Variants in SEMA6D observed in about 807,000 individuals in gnomAD.
SEMA6D encodes the protein semaphorin-6D.
SEMA6D carries 35 observed loss-of-function variants against 106.6 expected under a neutral mutation model. The observed-to-expected ratio is 0.33, with a 90% CI of 0.25 to 0.44. SEMA6D has a LOEUF of 0.44. Among genes scored for constraint, SEMA6D ranks in the 20% least tolerant of loss-of-function variants. The pLI is 1.00. For missense variants in SEMA6D, 1,185 were observed against 1,345.9 expected (o/e 0.88, Z 1.87); for synonymous variants, 499 against 487.7 (o/e 1.02, Z -0.31).
intron 3 of SEMA6D, among the ~76,000 whole-genome samples, chr15:47,532,341 T>C (rs2044998736): frequency 6.6e-6 from 1 of 152,200 alleles, no homozygotes; most frequent in Non-Finnish European, 1.5e-5. Flanking sequence ...AAAATCTAAT[T>C]GCATGAAGTG....
chr15:47,365,097 G>A (rs547147823), intron 1 of SEMA6D, among the ~76,000 whole-genome samples: 1 of 152,152 alleles, frequency 6.6e-6, no homozygotes, highest in Non-Finnish European at 1.5e-5. Flanking sequence ...GCCTGGAAGG[G>A]CCTAAAAGGC....
chr15:47,228,656 G>A (rs1158362008), intron 1 of SEMA6D, among the ~76,000 whole-genome samples: 2 of 151,954 alleles, frequency 1.3e-5, no homozygotes, highest in Admixed American at 1.3e-4. Context: ...CACCCTGGAA[G>A]GCTGAGACCA....
At chr15:47,405,688 C>T (rs1187123076) in intron 1 of SEMA6D, among the ~76,000 whole-genome samples, 1 of 152,156 alleles carries the variant, frequency 6.6e-6, no homozygotes, top group Non-Finnish European at 1.5e-5. Context: ...TTGTATAATT[C>T]CCTCATCTAG....
intron 4 of SEMA6D, among the ~76,000 whole-genome samples, chr15:47,615,978 A>G (rs1045699949): frequency 1.8e-4 from 28 of 152,312 alleles, no homozygotes; most frequent in Admixed American, 2.6e-4. Context: ...TTGAGGCCCA[A>G]TTCAAATACT....
chr15:47,733,199 T>G (rs1247633563), intron 1 of SEMA6D, among the ~76,000 whole-genome samples: 1 of 152,210 alleles, frequency 6.6e-6, no homozygotes, highest in Non-Finnish European at 1.5e-5. Context: ...TTTTTAATCT[T>G]TCTTATCACT....
chr15:47,586,612 A>G (rs1234642327), intron 3 of SEMA6D, among the ~76,000 whole-genome samples: 1 of 152,204 alleles, frequency 6.6e-6, no homozygotes, highest in Non-Finnish European at 1.5e-5. Context: ...ATCATTATAT[A>G]CAGAAGATTT....
At chr15:47,513,739 C>T (rs549016112) in intron 3 of SEMA6D, among the ~76,000 whole-genome samples, 2 of 152,296 alleles carry the variant, frequency 1.3e-5, no homozygotes, top group Admixed American at 1.3e-4. Context: ...TGAAGCATAT[C>T]AAGCGAAGCT....
chr15:47,766,940 C>CTT, intron 16 of SEMA6D, 97 bp from the exon 17 acceptor site: 13 of 593,608 alleles, frequency 2.2e-5, no homozygotes, highest in South Asian at 1.0e-4. Context: ...AATTTATAGT[C>CTT]TTTTTTTTTT....
At chr15:47,495,951 T>C (rs2043642401) in intron 3 of SEMA6D, among the ~76,000 whole-genome samples, 1 of 152,044 alleles carries the variant, frequency 6.6e-6, no homozygotes, top group African/African-American at 2.4e-5. Flanking sequence ...TTTAATGAGG[T>C]TGTTAAACTA....
At chr15:47,713,876 A>C (rs1317381192), upstream of SEMA6D, among the ~76,000 whole-genome samples, 1 of 152,192 alleles carries the variant, frequency 6.6e-6, no homozygotes, top group Non-Finnish European at 1.5e-5. Flanking sequence ...TCTCACATTT[A>C]ATGTGAGGTT....
At chr15:47,409,485 T>TA (rs1361560037) in intron 1 of SEMA6D, among the ~76,000 whole-genome samples, 1 of 152,218 alleles carries the variant, frequency 6.6e-6, no homozygotes, top group Non-Finnish European at 1.5e-5. Context: ...CAGAATATGG[T>TA]AAACTCTCTG....
At chr15:47,488,514 TG>T (rs1413634539) in intron 3 of SEMA6D, among the ~76,000 whole-genome samples, 1 of 152,082 alleles carries the variant, frequency 6.6e-6, no homozygotes, top group Non-Finnish European at 1.5e-5. Context: ...GTACATAGTA[TG>T]TACTATGAGA....
At chr15:47,423,129 CAT>C (rs2041225047) in intron 2 of SEMA6D, among the ~76,000 whole-genome samples, 1 of 152,054 alleles carries the variant, frequency 6.6e-6, no homozygotes, top group Non-Finnish European at 1.5e-5. Flanking sequence ...TGCTGTAATG[CAT>C]ATATTATAAA....
At chr15:47,622,376 T>C (rs2077122084) in intron 4 of SEMA6D, among the ~76,000 whole-genome samples, 1 of 152,202 alleles carries the variant, frequency 6.6e-6, no homozygotes, top group South Asian at 2.1e-4. Context: ...ATGTTACCTC[T>C]CTCCTCAGCA....
intron 3 of SEMA6D, among the ~76,000 whole-genome samples, chr15:47,532,444 T>C (rs533216692): frequency 1.6e-4 from 25 of 152,302 alleles, no homozygotes; most frequent in African/African-American, 6.0e-4. Flanking sequence ...GACATATCCC[T>C]CTCACTGCGC....
chr15:47,434,387 C>T (rs1005378019), intron 2 of SEMA6D, among the ~76,000 whole-genome samples: 3 of 151,978 alleles, frequency 2.0e-5, no homozygotes, highest in Non-Finnish European at 4.4e-5. Context: ...AGAATTGAAG[C>T]GGAGGGAGGA....
At chr15:47,688,335 G>C (rs1175210082) in intron 4 of SEMA6D, among the ~76,000 whole-genome samples, 1 of 152,154 alleles carries the variant, frequency 6.6e-6, no homozygotes, top group Non-Finnish European at 1.5e-5. Context: ...TCCTGGTGAT[G>C]AGAAGGCTGA....
chr15:47,198,064 A>AT (rs1289058829), intron 1 of SEMA6D, among the ~76,000 whole-genome samples: 1 of 151,894 alleles, frequency 6.6e-6, no homozygotes, highest in Non-Finnish European at 1.5e-5. Context: ...GATTTTCCTT[A>AT]TTTTTTTGTG....
chr15:47,756,396 G>A (rs1220797966), intron 1 of SEMA6D, among the ~76,000 whole-genome samples: 6 of 151,706 alleles, frequency 4.0e-5, no homozygotes, highest in Admixed American at 1.3e-4. Context: ...GATGATATTC[G>A]TTAAAATTTA....
Sources: gnomAD v4.1 joint callset for allele counts (sites outside exome capture counted in the v4.1 genomes callset) on GRCh38, gnomAD v4.1.1 for gene constraint, MANE v1.5 for transcripts, NCBI Gene and HGNC (gene_info 2026-07-23, HGNC 2026-07-21) for gene names.